Variants in PTBP3 observed in about 807,000 individuals in gnomAD.
The protein encoded by PTBP3 is polypyrimidine tract-binding protein 3.
PTBP3 carries 20 observed loss-of-function variants against 58.7 expected under a neutral mutation model. The observed-to-expected ratio is 0.34, with a 90% CI of 0.24 to 0.50. PTBP3 has a LOEUF of 0.50. PTBP3 is among the 20% of genes least tolerant of loss of function. PTBP3 has a pLI of 0.98. For synonymous variants in PTBP3, 185 were observed against 219.8 expected (o/e 0.84, Z 1.40); for missense variants, 509 against 637.2 (o/e 0.80, Z 2.17).
At chr9:112,226,726 G>C (rs971789454) in intron 12 of PTBP3, among the ~76,000 whole-genome samples, 1 of 152,144 alleles carries the variant, frequency 6.6e-6, no homozygotes, top group African/African-American at 2.4e-5. Flanking sequence ...TAAGTGAATG[G>C]GTACAGCTAT....
At chr9:112,298,871 C>T (rs921162108) in intron 1 of PTBP3, among the ~76,000 whole-genome samples, 2 of 152,150 alleles carry the variant, frequency 1.3e-5, no homozygotes, top group Non-Finnish European at 2.9e-5. Context: ...CCAGAAATTA[C>T]TCCCTTTGGA....
intron 1 of PTBP3, among the ~76,000 whole-genome samples, chr9:112,308,867 C>T (rs765554107): frequency 1.1e-4 from 16 of 152,154 alleles, no homozygotes; most frequent in Non-Finnish European, 1.8e-4. Context: ...ACACAATCAG[C>T]TTTACTGGCT....
At chr9:112,375,551 T>C in the PTBP3 span, among the ~76,000 whole-genome samples, 9 of 152,260 alleles carry the variant, frequency 5.9e-5, no homozygotes, top group East Asian at 1.7e-3. Flanking sequence ...ACTGATCATG[T>C]CAACTGATCA....
chr9:112,340,298 A>G, the PTBP3 span, among the ~76,000 whole-genome samples: 9 of 152,210 alleles, frequency 5.9e-5, no homozygotes, highest in African/African-American at 2.2e-4. Context: ...TATTTCTGGT[A>G]AACTTGCCCT....
At chr9:112,362,900 A>G in the PTBP3 span, 1 of 301,330 alleles carries the variant, frequency 3.3e-6, no homozygotes, top group Non-Finnish European at 6.4e-6. Context: ...AGAAGCAATG[A>G]AAACACAAAG....
chr9:112,227,459 A>T lies in PTBP3; in HGVS notation c.1316T>A (p.Phe439Tyr). 6.2e-7 allele frequency: 1 copy of T among 1,613,998 alleles called. No homozygotes were observed. Among genetic ancestry groups the T allele is most frequent in the South Asian group, 1.1e-5 (1 of 91,080 alleles). Residue 439 changes from phenylalanine to tyrosine, a missense_variant, in exon 12 of 14, where the codon TTC (phenylalanine) becomes TAC (tyrosine). Phe to Tyr is a conservative substitution (Grantham distance 22). This residue lies in a region of PTBP3 where 135 missense variants were observed against 229.0 expected (regional missense o/e 0.59). Coordinates refer to ENST00000374257, the MANE Select transcript of PTBP3 (RefSeq NM_001163788.4). ...HRFKKPGSKNFQNIFPPSATL... is the reference protein window; with the variant it reads ...HRFKKPGSKNYQNIFPPSATL... ...GGCTGATGGTGGAAAGATATTCTGGAAGTTTTTAGAGCCCGGCTTTTTAAA... is the reference window on the plus strand; with the variant it reads ...GGCTGATGGTGGAAAGATATTCTGGTAGTTTTTAGAGCCCGGCTTTTTAAA...
At chr9:112,239,679 C>T (rs927464474) in intron 7 of PTBP3, among the ~76,000 whole-genome samples, 7 of 151,278 alleles carry the variant, frequency 4.6e-5, no homozygotes, top group African/African-American at 7.3e-5. Flanking sequence ...TGCAGTGAGG[C>T]ATGGTTGCAC....
chr9:112,223,114 T>C lies in PTBP3; in HGVS notation c.*737A>G. 1.1e-6 allele frequency: 1 copy of C among 871,308 alleles called. No individual in the cohort carries two copies. Among genetic ancestry groups the C allele is most frequent in the Non-Finnish European group, 1.4e-6 (1 of 725,790 alleles). The allele number at this position is 871,308 out of a possible 1,614,324, so 54.0% of individuals were successfully genotyped here. A position where few individuals can be genotyped will look rare whatever the true frequency, so the allele number is the denominator to read the frequency against. ...GATTTTTTCCTAATAAAATTATTAG[T>C]TATTCTGACATCTTATTAACAGATC... On this transcript the variant is annotated 3_prime_UTR_variant, in exon 14 of 14. Coordinates refer to ENST00000374257, the MANE Select transcript of PTBP3 (RefSeq NM_001163788.4).
At chr9:112,288,232 T>C (rs1348344130) in intron 2 of PTBP3, among the ~76,000 whole-genome samples, 2 of 152,186 alleles carry the variant, frequency 1.3e-5, no homozygotes, top group East Asian at 3.8e-4. Flanking sequence ...TCTGTTGTAG[T>C]TGGCTATCAC....
chr9:112,295,601 TAAAAAA>T lies in PTBP3; in HGVS notation c.34+2225_34+2230del, dbSNP rs35276003. Among the ~76,000 whole-genome samples, 4 of 92,526 alleles carry T rather than the reference TAAAAAA, an allele frequency of 4.3e-5. No homozygotes were observed. In the South Asian group the frequency reaches 1.1e-3, roughly 25 times the overall value. 60.7% of individuals were successfully genotyped at this position (92,526 alleles called of 152,430 possible). ...CAGATAAAAATTGAGGTTCTGTTGG[TAAAAAA>T]AAAAAAAAAAAAAAAAGAATAGCAT... On this transcript the variant is annotated intron_variant, in intron 2 of 13. Transcript: ENST00000374257.
intron 1 of PTBP3, among the ~76,000 whole-genome samples, chr9:112,331,125 A>G (rs1157781810): frequency 6.8e-6 from 1 of 147,862 alleles, no homozygotes; most frequent in Non-Finnish European, 1.5e-5. Context: ...ACACACACAC[A>G]CGAGAGACAG....
the PTBP3 span, among the ~76,000 whole-genome samples, chr9:112,352,441 C>T: frequency 6.6e-6 from 1 of 152,154 alleles, no homozygotes; most frequent in African/African-American, 2.4e-5. Flanking sequence ...TCACTGTTAA[C>T]CCTTCAGCCT....
chr9:112,379,735 G>C, the PTBP3 span, among the ~76,000 whole-genome samples: 8 of 152,258 alleles, frequency 5.3e-5, no homozygotes, highest in African/African-American at 1.9e-4. Context: ...CAAGCTCAGG[G>C]CTCAGTCACC....
intron 2 of PTBP3, among the ~76,000 whole-genome samples, chr9:112,290,369 C>T (rs1424995294): frequency 6.6e-6 from 1 of 151,916 alleles, no homozygotes; most frequent in Non-Finnish European, 1.5e-5. Context: ...ACCAGAACAA[C>T]TAAAATTAAA....
At chr9:112,366,788 G>A in the PTBP3 span, among the ~76,000 whole-genome samples, 1 of 152,156 alleles carries the variant, frequency 6.6e-6, no homozygotes, top group Non-Finnish European at 1.5e-5. Context: ...GAGGGCTACC[G>A]TCTTCCAGGC....
At chr9:112,356,054 C>T in the PTBP3 span, among the ~76,000 whole-genome samples, 2 of 149,410 alleles carry the variant, frequency 1.3e-5, no homozygotes, top group East Asian at 3.9e-4. Context: ...TTCCTCCCTC[C>T]CTTTCTCTCT....
At chr9:112,361,082 G>T in the PTBP3 span, among the ~76,000 whole-genome samples, 41 of 152,038 alleles carry the variant, frequency 2.7e-4, no homozygotes, top group Non-Finnish European at 5.6e-4. Flanking sequence ...AAACTTCATA[G>T]ACTTTATTTA....
At chr9:112,373,276 C>A in the PTBP3 span, among the ~76,000 whole-genome samples, 2 of 152,126 alleles carry the variant, frequency 1.3e-5, no homozygotes, top group Non-Finnish European at 2.9e-5. Context: ...ACAAGGAGAG[C>A]CAGTCTGAGC....
intron 8 of PTBP3, among the ~76,000 whole-genome samples, chr9:112,234,362 G>A (rs922504426): frequency 1.3e-5 from 2 of 152,076 alleles, no homozygotes; most frequent in Non-Finnish European, 2.9e-5. Flanking sequence ...AATGACAAAA[G>A]GTTTTCCAAA....
Sources: gnomAD v4.1 joint callset for allele counts (sites outside exome capture counted in the v4.1 genomes callset) on GRCh38, gnomAD v4.1.1 for gene constraint, gnomAD v4.1.1 regional missense constraint, MANE v1.5 for transcripts, NCBI Gene and HGNC (gene_info 2026-07-23, HGNC 2026-07-21) for gene names.